LGSN: variants seen among roughly 807,000 people sequenced by gnomAD.
LGSN encodes the protein lengsin.
LGSN carries 21 observed loss-of-function variants against 19.5 expected under a neutral mutation model. The ratio of observed to expected loss-of-function variants is 1.07; its 90% CI spans 0.76 to 1.55. The LOEUF is 1.55. LGSN is among the 40% of genes most tolerant of loss of function. The pLI, the probability that LGSN is intolerant of heterozygous loss-of-function variation, is 0.00. For synonymous variants in LGSN, 257 were observed against 215.6 expected, an observed-to-expected ratio of 1.19 and a Z score of -1.68; for missense variants, 673 against 608.5, an observed-to-expected ratio of 1.11 and a Z score of -1.12.
In LGSN at chr6:63,295,060, TAAAC is replaced by T. The variant is rs772309813; in HGVS notation, c.31-19_31-16del. On this transcript the variant is annotated splice_polypyrimidine_tract_variant and intron_variant, in intron 1 of 3. Transcript: ENST00000370657. ...CTTGTTGAGTCCTGTTGATAATTAA[TAAAC>T]AAAAAGCCAAATAACAGATTATTCA... 51 of 1,610,218 alleles carry T rather than the reference TAAAC, an allele frequency of 3.2e-5. No homozygotes were observed. Among genetic ancestry groups the T allele is most frequent in the Non-Finnish European group, 4.2e-5 (50 of 1,177,508 alleles).
the LGSN span, among the ~76,000 whole-genome samples, chr6:63,464,862 T>G: frequency 6.6e-6 from 1 of 151,512 alleles, no homozygotes; most frequent in Non-Finnish European, 1.5e-5. Context: ...CCCTATCTAT[T>G]GAAACAACAA....
At chr6:63,407,241 G>C in the LGSN span, among the ~76,000 whole-genome samples, 2 of 151,852 alleles carry the variant, frequency 1.3e-5, no homozygotes, top group African/African-American at 4.8e-5. Context: ...GAGAATTTTA[G>C]ACCAATATCC....
the LGSN span, among the ~76,000 whole-genome samples, chr6:63,343,007 A>T: frequency 6.6e-6 from 1 of 151,476 alleles, no homozygotes; most frequent in Non-Finnish European, 1.5e-5. Context: ...CCTCTCAAAC[A>T]TATGAGACAT....
At chr6:63,340,614 G>A in the LGSN span, among the ~76,000 whole-genome samples, 1 of 139,958 alleles carries the variant, frequency 7.1e-6, no homozygotes, top group Non-Finnish European at 1.5e-5. Context: ...TTTCTGTTTG[G>A]CTTTTTTTTT....
chr6:63,295,428 A>T (rs556707464), intron 1 of LGSN, among the ~76,000 whole-genome samples: 28 of 152,106 alleles, frequency 1.8e-4, no homozygotes, highest in African/African-American at 6.5e-4. Context: ...ATTTTTTAGG[A>T]TTTCTAACCT....
chr6:63,475,626 A>G, the LGSN span, among the ~76,000 whole-genome samples: 1 of 152,236 alleles, frequency 6.6e-6, no homozygotes, highest in Admixed American at 6.5e-5. Context: ...TTCAAACTTC[A>G]TATAGAGTAT....
the LGSN span, among the ~76,000 whole-genome samples, chr6:63,352,240 G>C: frequency 6.6e-6 from 1 of 152,196 alleles, no homozygotes; most frequent in Non-Finnish European, 1.5e-5. Flanking sequence ...TCATGAAATA[G>C]GGAATTTTCC....
the LGSN span, among the ~76,000 whole-genome samples, chr6:63,337,999 C>T: frequency 6.6e-6 from 1 of 151,996 alleles, no homozygotes. Flanking sequence ...GATTCTCCTG[C>T]CTCAGCCTCC....
chr6:63,463,420 C>A, the LGSN span, among the ~76,000 whole-genome samples: 1 of 152,102 alleles, frequency 6.6e-6, no homozygotes, highest in African/African-American at 2.4e-5. Context: ...ATCTGCCACT[C>A]TTGTACATTG....
the LGSN span, among the ~76,000 whole-genome samples, chr6:63,503,595 A>G: frequency 9.9e-4 from 151 of 152,334 alleles, 1 homozygote; most frequent in Admixed American, 1.9e-3. Flanking sequence ...AGGTCTGCTG[A>G]GTAAAAGTCC....
At chr6:63,437,747 T>G in the LGSN span, among the ~76,000 whole-genome samples, 1 of 151,712 alleles carries the variant, frequency 6.6e-6, no homozygotes, top group Non-Finnish European at 1.5e-5. Context: ...CTAGCCAACA[T>G]AGTGAAACCC....
At chr6:63,563,286 G>A in the LGSN span, among the ~76,000 whole-genome samples, 2 of 152,138 alleles carry the variant, frequency 1.3e-5, no homozygotes, top group Admixed American at 6.6e-5. Context: ...AAGGTCCTAC[G>A]TGATCCAGTC....
the LGSN span, among the ~76,000 whole-genome samples, chr6:63,382,553 T>C: frequency 2.0e-5 from 3 of 152,306 alleles, no homozygotes; most frequent in South Asian, 4.1e-4. Flanking sequence ...CATGCATGTG[T>C]TACCTAGGAG....
At chr6:63,419,880 CAAAAAAAAAAAAAA>C in the LGSN span, among the ~76,000 whole-genome samples, 85 of 57,286 alleles carry the variant, frequency 1.5e-3, no homozygotes, top group African/African-American at 2.4e-3. Flanking sequence ...AACTCCCTCC[CAAAAAAAAAAAAAA>C]AAAAAAAAAA....
At chr6:63,431,583 C>G in the LGSN span, among the ~76,000 whole-genome samples, 1 of 152,148 alleles carries the variant, frequency 6.6e-6, no homozygotes. Context: ...TCCCCATGAG[C>G]TTTATTTTTC....
chr6:63,522,369 A>T, the LGSN span, among the ~76,000 whole-genome samples: 2 of 152,240 alleles, frequency 1.3e-5, no homozygotes, highest in African/African-American at 2.4e-5. Flanking sequence ...AAAACATTCT[A>T]GTTAAACAGA....
At chr6:63,363,682 A>G in the LGSN span, among the ~76,000 whole-genome samples, 2 of 152,240 alleles carry the variant, frequency 1.3e-5, no homozygotes, top group Non-Finnish European at 2.9e-5. Flanking sequence ...CAAAGCCTCC[A>G]AGAAATATGG....
the LGSN span, among the ~76,000 whole-genome samples, chr6:63,555,531 G>A: frequency 1.3e-5 from 2 of 151,816 alleles, no homozygotes; most frequent in Non-Finnish European, 2.9e-5. Flanking sequence ...TGCAATCATA[G>A]TTCTTGGCAC....
chr6:63,520,630 CAAATAAATAAAT>C, the LGSN span, among the ~76,000 whole-genome samples: 211 of 139,070 alleles, frequency 1.5e-3, no homozygotes, highest in African/African-American at 3.7e-3. Flanking sequence ...GACTCTGTCT[CAAATAAATAAAT>C]AAATAAATAA....
Sources: allele counts gnomAD v4.1 joint callset (sites outside exome capture counted in the v4.1 genomes callset), GRCh38; gene constraint gnomAD v4.1.1; transcripts MANE v1.5; gene names NCBI Gene and HGNC (gene_info 2026-07-23, HGNC 2026-07-21).